The following SPAG6 variants were observed in gnomAD, a reference collection of about 807,000 sequenced individuals.
The protein encoded by SPAG6 is sperm associated antigen 6, also known as sperm-associated antigen 6.
SPAG6 carries 49 observed loss-of-function variants against 58.5 expected under a neutral mutation model. The ratio of observed to expected loss-of-function variants is 0.84; its 90% CI spans 0.67 to 1.06. The LOEUF is 1.06. Ranked by LOEUF, SPAG6 falls within the 50% of genes least tolerant of loss-of-function variation. The probability of loss-of-function intolerance (pLI) is 0.00; values close to 1 mark genes in which losing one functional copy is unlikely to be tolerated. For synonymous variants in SPAG6, 233 were observed against 225.6 expected (o/e 1.03, Z -0.29); for missense variants, 560 against 611.3 (o/e 0.92, Z 0.89).
intron 8 of SPAG6, among the ~76,000 whole-genome samples, chr10:22,400,718 T>G (rs1353980464): frequency 6.6e-6 from 1 of 152,028 alleles, no homozygotes; most frequent in Non-Finnish European, 1.5e-5. Flanking sequence ...GTATAAGCCA[T>G]GAAGTCATGG....
intron 8 of SPAG6, among the ~76,000 whole-genome samples, chr10:22,396,048 A>G (rs1353753224): frequency 6.6e-6 from 1 of 152,198 alleles, no homozygotes; most frequent in Non-Finnish European, 1.5e-5. Context: ...CATGAAACTT[A>G]CAATCATGGC....
chr10:22,352,843 T>A (rs540592329), intron 2 of SPAG6, among the ~76,000 whole-genome samples: 10 of 152,334 alleles, frequency 6.6e-5, no homozygotes, highest in African/African-American at 1.7e-4. Context: ...ATAGGTATAA[T>A]ATATAATATA....
intron 2 of SPAG6, among the ~76,000 whole-genome samples, chr10:22,353,751 T>A (rs1836792628): frequency 6.6e-6 from 1 of 152,316 alleles, no homozygotes; most frequent in East Asian, 1.9e-4. Context: ...GACATATAAA[T>A]AAATTATTGT....
chr10:22,413,066 CAAAAAAAAAAA>C (rs775680159), intron 10 of SPAG6: 3 of 43,312 alleles, frequency 6.9e-5, no homozygotes, highest in African/African-American at 1.7e-4. Context: ...CAGAAAGATG[CAAAAAAAAAAA>C]AAAAAAAAAA....
intron 2 of SPAG6, among the ~76,000 whole-genome samples, chr10:22,351,034 T>A (rs1836713341): frequency 6.6e-6 from 1 of 152,262 alleles, no homozygotes; most frequent in South Asian, 2.1e-4. Flanking sequence ...ATTAGTAAAC[T>A]GTTTTATGTG....
chr10:22,387,696 A>C (rs939960646), intron 5 of SPAG6, 127 bp from the exon 6 acceptor site: 2 of 819,668 alleles, frequency 2.4e-6, no homozygotes, highest in African/African-American at 3.5e-5. Flanking sequence ...TAGGCTGTTT[A>C]GGCATGTACA....
intron 2 of SPAG6, chr10:22,346,188 C>T: frequency 3.0e-6 from 3 of 1,002,564 alleles, no homozygotes; most frequent in Non-Finnish European, 4.0e-6. Context: ...GACTTCCTCA[C>T]AGCAAAGCAA....
intron 4 of SPAG6, among the ~76,000 whole-genome samples, chr10:22,386,379 G>A (rs183306402): frequency 8.6e-5 from 13 of 151,884 alleles, no homozygotes; most frequent in African/African-American, 2.9e-4. Flanking sequence ...TAAATTTTTG[G>A]TACTTAAATT....
chr10:22,399,539 A>G (rs752071530), intron 8 of SPAG6, among the ~76,000 whole-genome samples: 15 of 152,250 alleles, frequency 9.9e-5, no homozygotes, highest in Non-Finnish European at 1.6e-4. Context: ...GTCTTAAGTA[A>G]CTAGGATTTC....
intron 4 of SPAG6, among the ~76,000 whole-genome samples, chr10:22,385,192 T>A (rs1392374064): frequency 6.6e-6 from 1 of 152,136 alleles, no homozygotes; most frequent in Non-Finnish European, 1.5e-5. Flanking sequence ...TATATTTTTT[T>A]CCCATTTCCT....
intron 2 of SPAG6, among the ~76,000 whole-genome samples, chr10:22,364,195 T>C (rs1935106954): frequency 6.6e-6 from 1 of 152,242 alleles, no homozygotes; most frequent in Admixed American, 6.5e-5. Context: ...TTTTCTCATC[T>C]GTAAAATAGA....
intron 9 of SPAG6, among the ~76,000 whole-genome samples, chr10:22,409,080 C>T (rs372463163): frequency 1.5e-4 from 23 of 152,270 alleles, no homozygotes; most frequent in African/African-American, 4.8e-4. Context: ...AGAAATCACC[C>T]GTCCTCTTCA....
chr10:22,382,524 A>G (rs1418807165), intron 4 of SPAG6, among the ~76,000 whole-genome samples: 1 of 152,160 alleles, frequency 6.6e-6, no homozygotes, highest in African/African-American at 2.4e-5. Flanking sequence ...GAAAAAGTAA[A>G]TGAATATTAT....
chr10:22,416,865 G>A lies in SPAG6; in HGVS notation c.*177G>A, dbSNP rs954071903. On this transcript the variant is annotated 3_prime_UTR_variant, in exon 11 of 11. Coordinates refer to ENST00000376624, the MANE Select transcript of SPAG6 (RefSeq NM_012443.4). ...AACATTCGTAGCTTGAATATGTGAG[G>A]AACTATTCATGGTCATTCGCATGCA... 11 of 481,790 alleles carry A rather than the reference G, an allele frequency of 2.3e-5. No homozygotes were observed. Among genetic ancestry groups the A allele is most frequent in the Non-Finnish European group, 4.1e-5 (11 of 266,078 alleles). 29.8% of individuals were successfully genotyped at this position (481,790 alleles called of 1,614,324 possible).
chr10:22,417,532 A>G lies in SPAG6; in HGVS notation c.*844A>G, dbSNP rs1020603084. ...GTTTGAAGCTAATACCATCAGGCTC[A>G]GAGTTTACATGCATTTTTACTTAGG... On this transcript the variant is annotated 3_prime_UTR_variant, in exon 11 of 11. Transcript: ENST00000376624. 1.3e-5 allele frequency: 2 copies of G among 152,260 alleles called. No homozygotes were observed. The highest frequency in any genetic ancestry group is 1.3e-4 in the Admixed American group (2 of 15,288). 9.4% of individuals were successfully genotyped at this position (152,260 alleles called of 1,614,324 possible).
intron 4 of SPAG6, among the ~76,000 whole-genome samples, chr10:22,371,498 C>T (rs1000725959): frequency 3.9e-5 from 6 of 152,100 alleles, no homozygotes; most frequent in East Asian, 1.9e-4. Flanking sequence ...GTAATCCGCC[C>T]GCCTCGGCCT....
chr10:22,354,087 G>A (rs1193062465), intron 2 of SPAG6, among the ~76,000 whole-genome samples: 1 of 152,204 alleles, frequency 6.6e-6, no homozygotes, highest in East Asian at 1.9e-4. Context: ...TGGAATTGAT[G>A]GAAAGCCATT....
At chr10:22,396,581 G>A (rs1456564244) in intron 8 of SPAG6, among the ~76,000 whole-genome samples, 2 of 152,116 alleles carry the variant, frequency 1.3e-5, no homozygotes, top group African/African-American at 4.8e-5. Flanking sequence ...ACTAAGGAAA[G>A]CAACAATTAG....
chr10:22,346,522 T>C lies in SPAG6; in HGVS notation c.121+704T>C, dbSNP rs186055849. Among the ~76,000 whole-genome samples the C allele has an allele frequency of 6.0e-5, 9 of 151,040 alleles. No homozygotes were observed. The East Asian group carries it at 9.8e-4, about 16-fold the overall frequency. On this transcript the variant is annotated intron_variant, in intron 2 of 10. Coordinates refer to ENST00000376624, the MANE Select transcript of SPAG6 (RefSeq NM_012443.4). ...TTTCTTCTTCTTCTTCCTCTTCTTC[T>C]TCTTCTTTTCTTCTTTCTTCTTTCT...
Sources: gnomAD v4.1 joint callset for allele counts (sites outside exome capture counted in the v4.1 genomes callset) on GRCh38, gnomAD v4.1.1 for gene constraint, MANE v1.5 for transcripts, NCBI Gene and HGNC (gene_info 2026-07-23, HGNC 2026-07-21) for gene names.